The following ATP6V1G1 variants were observed in gnomAD, a reference collection of about 807,000 sequenced individuals.
ATP6V1G1 encodes ATPase H+ transporting V1 subunit G1.
In ATP6V1G1, 14 loss-of-function variants were observed where a neutral mutation model predicts 14.2. The observed-to-expected ratio is 0.99, with a 90% CI of 0.65 to 1.55. ATP6V1G1 has a LOEUF of 1.55. Ranked by LOEUF, ATP6V1G1 falls within the 40% of genes most tolerant of loss-of-function variation. The pLI, the probability that ATP6V1G1 is intolerant of heterozygous loss-of-function variation, is 0.00. For missense variants in ATP6V1G1, 137 were observed against 146.4 expected (o/e 0.94, Z 0.33); for synonymous variants, 65 against 53.3 (o/e 1.22, Z -0.96).
intron 2 of ATP6V1G1, among the ~76,000 whole-genome samples, chr9:114,594,690 A>G (rs1012864840): frequency 1.3e-5 from 2 of 150,098 alleles, no homozygotes; most frequent in Non-Finnish European, 3.0e-5. Flanking sequence ...GCCCATCTTC[A>G]TATTTTTACA....
At chr9:114,594,558 A>G (rs1308333951) in intron 2 of ATP6V1G1, among the ~76,000 whole-genome samples, 1 of 149,986 alleles carries the variant, frequency 6.7e-6, no homozygotes, top group African/African-American at 2.5e-5. Context: ...TAATTTTTGT[A>G]TTTTTAGAAG....
intron 2 of ATP6V1G1, 42 bp downstream of exon 2, chr9:114,592,694 C>G (rs777704361): frequency 2.2e-5 from 34 of 1,537,964 alleles, no homozygotes; most frequent in Non-Finnish European, 2.9e-5. Context: ...AGTTTCTGAT[C>G]CCCTGTCCCG....
chr9:114,593,636 G>A (rs1845205807), intron 2 of ATP6V1G1, among the ~76,000 whole-genome samples: 1 of 152,106 alleles, frequency 6.6e-6, no homozygotes, highest in African/African-American at 2.4e-5. Context: ...AGCTAGGACT[G>A]TAGGCATGAT....
At chr9:114,591,850 A>C (rs1054857232) in intron 1 of ATP6V1G1, among the ~76,000 whole-genome samples, 1 of 151,534 alleles carries the variant, frequency 6.6e-6, no homozygotes, top group Admixed American at 6.6e-5. Context: ...AGCAGAGATT[A>C]TATGTTGGCT....
rs1845262010 is a variant in ATP6V1G1 at position 114,598,239 on chromosome 9, T to G, written c.*496T>G. 6.6e-6 allele frequency: 1 copy of G among 152,662 alleles called. No homozygotes were observed. Among genetic ancestry groups the G allele is most frequent in the African/African-American group, 2.4e-5 (1 of 41,458 alleles). 9.5% of individuals were successfully genotyped at this position (152,662 alleles called of 1,614,324 possible). ...CCATTCTTGCTAATGGTTAGAACAG[T>G]GAATACTAGTGGAATTGTTTGGGCT... is the stretch of plus-strand genomic sequence containing the variant. On this transcript the variant is annotated 3_prime_UTR_variant, in exon 3 of 3. Coordinates refer to ENST00000374050, the MANE Select transcript of ATP6V1G1 (RefSeq NM_004888.4).
chr9:114,590,800 A>G (rs1021997488), intron 1 of ATP6V1G1, among the ~76,000 whole-genome samples: 26 of 151,496 alleles, frequency 1.7e-4, no homozygotes, highest in Admixed American at 6.6e-4. Flanking sequence ...TATTTTGTTT[A>G]TTTATTTTTT....
Position 114,597,651 on chromosome 9 carries a change from C to A in ATP6V1G1, c.265C>A (p.Arg89=). ...GATGACCATCCTCCAGACATACTTC[C>A]GGCAGAACAGGGATGAAGTCTTGGA... ...EKMTILQTYF[R]QNRDEVLDNL... is the part of the protein sequence containing the mutation. Residue 89 remains arginine, a synonymous_variant, in exon 3 of 3, where the codon CGG becomes AGG. Coordinates refer to ENST00000374050, the MANE Select transcript of ATP6V1G1 (RefSeq NM_004888.4). The A allele has an allele frequency of 6.3e-7, 1 of 1,590,418 alleles. No individual in the cohort carries two copies. The highest frequency in any genetic ancestry group is 8.5e-7 in the Non-Finnish European group (1 of 1,170,168).
rs1050485405 is a variant in ATP6V1G1 at position 114,587,871 on chromosome 9, G to A, written c.33G>A (p.Leu11=). The A allele has an allele frequency of 1.9e-6, 3 of 1,594,210 alleles. No individual in the cohort carries two copies. In the South Asian group the frequency reaches 3.4e-5, roughly 18 times the overall value. ...GTCAGTCTCAGGGGATTCAGCAGCT[G>A]CTGCAGGCCGAGAAGCGGGCAGCCG... MASQSQGIQQ[L]LQAEKRAAEK... is the part of the protein sequence containing the mutation. The change falls in exon 1 of 3, where the codon CTG becomes CTA. Residue 11 remains leucine, a synonymous_variant. Transcript: ENST00000374050.
At chr9:114,587,972 C>A (rs754784365) in intron 1 of ATP6V1G1, 52 bp downstream of exon 1, 22 of 1,544,176 alleles carry the variant, frequency 1.4e-5, no homozygotes, top group Non-Finnish European at 1.9e-5. Context: ...AGAAAGACCG[C>A]TGGGCCTCAG....
intron 2 of ATP6V1G1, among the ~76,000 whole-genome samples, chr9:114,596,838 C>T (rs976980241): frequency 2.6e-5 from 4 of 152,122 alleles, no homozygotes; most frequent in Non-Finnish European, 4.4e-5. Flanking sequence ...AACATACTAA[C>T]CACATTGATA....
intron 2 of ATP6V1G1, among the ~76,000 whole-genome samples, chr9:114,596,622 T>C (rs568931697): frequency 1.3e-5 from 2 of 152,278 alleles, no homozygotes; most frequent in Admixed American, 6.5e-5. Flanking sequence ...CTAAATTGTA[T>C]CTTCCTTGTG....
chr9:114,592,934 A>G (rs1441657608), intron 2 of ATP6V1G1, among the ~76,000 whole-genome samples: 2 of 152,246 alleles, frequency 1.3e-5, no homozygotes, highest in Non-Finnish European at 2.9e-5. Context: ...GTGACCAGGA[A>G]TAGACATGGT....
rs568066735 is a variant in ATP6V1G1, at chr9:114,590,045, A to G, written c.82+2125A>G. 2.2e-4 allele frequency among the ~76,000 whole-genome samples: 33 copies of G among 151,502 alleles called. No homozygotes were observed. The East Asian group carries it at 6.3e-3, about 29-fold the overall frequency. ...AAACTCCGTGTCTACTAAAAATACA[A>G]AAGTTAGCTGGGCGTGGTGGTGTGC... On this transcript the variant is annotated intron_variant, in intron 1 of 2. Transcript: ENST00000374050.
intron 1 of ATP6V1G1, 89 bp downstream of exon 1, chr9:114,588,009 C>A: frequency 7.2e-7 from 1 of 1,387,806 alleles, no homozygotes; most frequent in Non-Finnish European, 9.9e-7. Context: ...GCCCGAAAAA[C>A]TGCGGGGTGC....
Position 114,598,409 on chromosome 9 carries a change from G to A in ATP6V1G1, c.*666G>A, listed in dbSNP as rs1317467371. On this transcript the variant is annotated 3_prime_UTR_variant, in exon 3 of 3. Coordinates refer to ENST00000374050, the MANE Select transcript of ATP6V1G1 (RefSeq NM_004888.4). ...TTCTTTTTTTTTTCCCTGTCTCCGTGACAACCAGTGGTTCTTCATTTTTGA... is the reference window on the plus strand; with the variant it reads ...TTCTTTTTTTTTTCCCTGTCTCCGTAACAACCAGTGGTTCTTCATTTTTGA... 1 of 151,922 alleles carries A rather than the reference G, an allele frequency of 6.6e-6. No homozygotes were observed. Among genetic ancestry groups the A allele is most frequent in the Non-Finnish European group, 1.5e-5 (1 of 67,962 alleles). 9.4% of individuals were successfully genotyped at this position (151,922 alleles called of 1,614,324 possible).
At position 114,597,910 on chromosome 9, in the gene ATP6V1G1, C is replaced by A; in HGVS notation, c.*167C>A. 1.9e-6 allele frequency: 1 copy of A among 519,890 alleles called. No individual in the cohort carries two copies. Among genetic ancestry groups the A allele is most frequent in the Non-Finnish European group, 2.9e-6 (1 of 339,070 alleles). The allele number at this position is 519,890 out of a possible 1,614,324, so 32.2% of individuals were successfully genotyped here. A position where few individuals can be genotyped will look rare whatever the true frequency, so the allele number is the denominator to read the frequency against. The stretch of plus-strand genomic sequence containing the variant: ...GAGTAGCAAATCTAGCTTTTTTGTA[C>A]AGACTTAGAAATTATCTAAAGATTT... On this transcript the variant is annotated 3_prime_UTR_variant, in exon 3 of 3. Coordinates refer to ENST00000374050, the MANE Select transcript of ATP6V1G1 (RefSeq NM_004888.4).
At chr9:114,590,706 A>G (rs1438305395) in intron 1 of ATP6V1G1, among the ~76,000 whole-genome samples, 2 of 152,052 alleles carry the variant, frequency 1.3e-5, no homozygotes, top group African/African-American at 2.4e-5. Context: ...GAGGCAGTAT[A>G]TAAAATGATC....
intron 2 of ATP6V1G1, among the ~76,000 whole-genome samples, chr9:114,596,403 A>T (rs1192839125): frequency 6.6e-6 from 1 of 152,008 alleles, no homozygotes. Context: ...AAAAAAAAAA[A>T]AAGTGTGGGG....
rs555843165 is a variant in ATP6V1G1 at position 114,587,856 on chromosome 9, G to A, written c.18G>A (p.Gln6=). The A allele has an allele frequency of 6.3e-7, 1 of 1,594,244 alleles. No homozygotes were observed. Among genetic ancestry groups the A allele is most frequent in the East Asian group, 2.3e-5 (1 of 44,154 alleles). Residue 6 remains glutamine (Q), a synonymous_variant, in exon 1 of 3, where the codon CAG becomes CAA. Coordinates refer to ENST00000374050, the MANE Select transcript of ATP6V1G1 (RefSeq NM_004888.4). MASQS[Q]GIQQLLQAEK... ...CTGCCGCCATGGCTAGTCAGTCTCAGGGGATTCAGCAGCTGCTGCAGGCCG... is the reference window on the plus strand; with the variant it reads ...CTGCCGCCATGGCTAGTCAGTCTCAAGGGATTCAGCAGCTGCTGCAGGCCG...
Sources: allele counts gnomAD v4.1 joint callset (sites outside exome capture counted in the v4.1 genomes callset), GRCh38; gene constraint gnomAD v4.1.1; transcripts MANE v1.5; gene names NCBI Gene and HGNC (gene_info 2026-07-23, HGNC 2026-07-21).